GRM5: variants seen among roughly 807,000 people sequenced by gnomAD.
GRM5 encodes glutamate metabotropic receptor 5.
In GRM5, 19 loss-of-function variants were observed where a neutral mutation model predicts 83.1. That is an observed-to-expected ratio of 0.23 (90% CI 0.16 to 0.34). The LOEUF is 0.34. GRM5 is among the 10% of genes least tolerant of loss of function. The pLI, the probability that GRM5 is intolerant of heterozygous loss-of-function variation, is 1.00. For missense variants in GRM5, 1,160 were observed against 1,588.3 expected (o/e 0.73, Z 4.58); for synonymous variants, 675 against 633.6 (o/e 1.07, Z -0.98).
chr11:88,808,346 C>T (rs1340120650), intron 3 of GRM5, among the ~76,000 whole-genome samples: 1 of 151,862 alleles, frequency 6.6e-6, no homozygotes, highest in East Asian at 1.9e-4. Flanking sequence ...TTGCAGCATG[C>T]AGGGTATGTA....
chr11:88,783,124 T>C (rs1329086234), intron 3 of GRM5, among the ~76,000 whole-genome samples: 2 of 152,114 alleles, frequency 1.3e-5, no homozygotes, highest in African/African-American at 4.8e-5. Flanking sequence ...TCCTAAACAT[T>C]TTGTTTGTGT....
At chr11:88,520,595 A>G (rs1474018734) in intron 9 of GRM5, among the ~76,000 whole-genome samples, 1 of 151,808 alleles carries the variant, frequency 6.6e-6, no homozygotes, top group Non-Finnish European at 1.5e-5. Flanking sequence ...CCTGTTTCTC[A>G]ATACACTGCA....
At chr11:88,755,861 C>T (rs558075925) in intron 3 of GRM5, among the ~76,000 whole-genome samples, 7 of 152,240 alleles carry the variant, frequency 4.6e-5, no homozygotes, top group East Asian at 1.9e-4. Context: ...CAGAGTCACA[C>T]AGGAAATGGA....
intron 4 of GRM5, among the ~76,000 whole-genome samples, chr11:88,651,702 A>T (rs1939637521): frequency 6.6e-6 from 1 of 152,082 alleles, no homozygotes; most frequent in Non-Finnish European, 1.5e-5. Context: ...AGTGGGAGAG[A>T]AGCAAACATA....
intron 3 of GRM5, among the ~76,000 whole-genome samples, chr11:88,743,931 G>C (rs1942080165): frequency 6.6e-6 from 1 of 152,108 alleles, no homozygotes; most frequent in African/African-American, 2.4e-5. Flanking sequence ...GTATTGACTA[G>C]TTAGGCAAAC....
chr11:89,041,595 A>C (rs1353315401), intron 2 of GRM5, among the ~76,000 whole-genome samples: 1 of 152,186 alleles, frequency 6.6e-6, no homozygotes, highest in Non-Finnish European at 1.5e-5. Flanking sequence ...CTTAGAAATT[A>C]TTTACTGAGT....
intron 3 of GRM5, among the ~76,000 whole-genome samples, chr11:88,681,565 C>CTTTTTTTTTTTTTTTTTTTT (rs796854617): frequency 0.011 from 274 of 25,410 alleles, 87 homozygotes; most frequent in South Asian, 0.032. Context: ...TGAGTTCTTC[C>CTTTTTTTTTTTTTTTTTTTT]TTTTTTTTTT....
At chr11:88,863,241 C>T (rs1944598791) in intron 2 of GRM5, among the ~76,000 whole-genome samples, 2 of 151,740 alleles carry the variant, frequency 1.3e-5, no homozygotes, top group African/African-American at 2.4e-5. Context: ...GTCATTTGAC[C>T]CAGCAATCCC....
intron 2 of GRM5, among the ~76,000 whole-genome samples, chr11:88,970,189 T>G (rs1253739048): frequency 6.6e-6 from 1 of 152,142 alleles, no homozygotes; most frequent in African/African-American, 2.4e-5. Flanking sequence ...AATAAGCTTC[T>G]GTAACAAATA....
chr11:88,767,443 G>A (rs1157176049), intron 3 of GRM5, among the ~76,000 whole-genome samples: 2 of 151,926 alleles, frequency 1.3e-5, no homozygotes, highest in East Asian at 3.9e-4. Context: ...ACCAATGGTC[G>A]ACTGGATAAA....
At chr11:88,672,402 C>T (rs925591802) in intron 3 of GRM5, among the ~76,000 whole-genome samples, 1 of 151,756 alleles carries the variant, frequency 6.6e-6, no homozygotes, top group African/African-American at 2.4e-5. Flanking sequence ...GAAAGAAAGA[C>T]TTGAAGAAGG....
At chr11:88,974,279 C>T (rs146775504) in intron 2 of GRM5, among the ~76,000 whole-genome samples, 3,433 of 152,072 alleles carry the variant, frequency 0.023, 111 homozygotes, top group African/African-American at 0.077. Context: ...TGGGCATTTG[C>T]CTTCCCAGCT....
chr11:88,849,945 C>T lies in GRM5; in HGVS notation c.872G>A (p.Arg291Lys). 1.9e-6 allele frequency: 3 copies of T among 1,614,154 alleles called. No homozygotes were observed. In the Middle Eastern group the frequency reaches 4.9e-4, roughly 266 times the overall value. ...MTVRGLLMAM[R>K]RLGLAGEFLL... ...AAATTCTCCCGCTAGACCCAGGCGC[C>T]TCATGGCCATCAGCAGACCTCTCAC... Residue 291 changes from arginine to lysine, a missense_variant, in exon 3 of 10, where the codon AGG (arginine) becomes AAG (lysine). Around this residue, in one of 9 missense-constraint regions of GRM5, gnomAD observed 84 missense variants for 231.0 expected, o/e 0.36. Coordinates refer to ENST00000305447, the MANE Select transcript of GRM5 (RefSeq NM_001143831.3).
At chr11:88,605,026 G>A (rs1295370912) in intron 4 of GRM5, 62 bp from the exon 5 acceptor site, 4 of 1,381,264 alleles carry the variant, frequency 2.9e-6, no homozygotes, top group African/African-American at 2.8e-5. Context: ...ACATTCCTGG[G>A]TACTGAATAA....
intron 8 of GRM5, among the ~76,000 whole-genome samples, chr11:88,527,079 C>T (rs1356317754): frequency 6.6e-6 from 1 of 152,018 alleles, no homozygotes; most frequent in Non-Finnish European, 1.5e-5. Flanking sequence ...AAGAAAATAC[C>T]TTAGAAGTAC....
intron 3 of GRM5, among the ~76,000 whole-genome samples, chr11:88,794,543 T>C (rs758060767): frequency 1.3e-5 from 2 of 152,192 alleles, no homozygotes; most frequent in Non-Finnish European, 2.9e-5. Context: ...GTGGAAATAC[T>C]AGAGGCAAAA....
intron 7 of GRM5, among the ~76,000 whole-genome samples, chr11:88,577,501 A>C (rs1280307461): frequency 6.6e-6 from 1 of 152,128 alleles, no homozygotes; most frequent in African/African-American, 2.4e-5. Flanking sequence ...ATGGTGATAG[A>C]AAGGTAATTG....
At chr11:89,021,633 G>A (rs1940987097) in intron 2 of GRM5, among the ~76,000 whole-genome samples, 1 of 152,270 alleles carries the variant, frequency 6.6e-6, no homozygotes, top group Admixed American at 6.5e-5. Flanking sequence ...ACTGGAGACA[G>A]ATATGTTAAA....
chr11:88,565,242 C>T (rs1245225755), intron 8 of GRM5, among the ~76,000 whole-genome samples: 47 of 152,212 alleles, frequency 3.1e-4, no homozygotes, highest in Admixed American at 3.1e-3. Flanking sequence ...TACTGTGCTA[C>T]CTTCAATAAA....
Sources: allele counts gnomAD v4.1 joint callset (sites outside exome capture counted in the v4.1 genomes callset), GRCh38; gene constraint gnomAD v4.1.1; regional missense constraint gnomAD v4.1.1; transcripts MANE v1.5; gene names NCBI Gene and HGNC (gene_info 2026-07-23, HGNC 2026-07-21).